Variants in PDE1A observed in about 807,000 individuals in gnomAD.
PDE1A encodes the protein phosphodiesterase 1A, also known as dual specificity calcium/calmodulin-dependent 3',5'-cyclic nucleotide phosphodiesterase 1A.
Under a neutral mutation model 61.7 loss-of-function variants are expected in PDE1A, and 35 were observed. The observed-to-expected ratio is 0.57, with a 90% CI of 0.43 to 0.75. The LOEUF (loss-of-function observed/expected upper bound fraction) is 0.75. PDE1A is among the 30% of genes least tolerant of loss of function. The pLI, the probability that PDE1A is intolerant of heterozygous loss-of-function variation, is 0.00. For synonymous variants in PDE1A, 232 were observed against 213.2 expected (o/e 1.09, Z -0.77); for missense variants, 597 against 630.6 (o/e 0.95, Z 0.57).
At chr2:182,539,967 C>T in the PDE1A span, among the ~76,000 whole-genome samples, 81 of 152,124 alleles carry the variant, frequency 5.3e-4, no homozygotes, top group Non-Finnish European at 9.0e-4. Flanking sequence ...TTTATTGTAG[C>T]ATTACTTAGA....
Position 182,466,131 on chromosome 2 carries a change from A to G in PDE1A, c.101+56145T>C, listed in dbSNP as rs891399163. Among the ~76,000 whole-genome samples, 8 of 151,944 alleles carry G rather than the reference A, an allele frequency of 5.3e-5. No homozygotes were observed. The South Asian group carries it at 8.3e-4, about 16-fold the overall frequency. ...TTTTCTTCATAATGTCTTTAAATGC[A>G]TACGTTTCTCTTTGTCTCACAACCC... On this transcript the variant is annotated intron_variant, in intron 2 of 14. Transcript: ENST00000410103.
rs193271812 is a variant in PDE1A, at chr2:182,454,485, A to G, written c.101+67791T>C. ...AGTCAATCCTAAGCCAAAAGAACAAAGCCGGAGGCGTCATGCTACCTGACT... is the reference window on the plus strand; with the variant it reads ...AGTCAATCCTAAGCCAAAAGAACAAGGCCGGAGGCGTCATGCTACCTGACT... On this transcript the variant is annotated intron_variant, in intron 2 of 14. Coordinates refer to the PDE1A transcript ENST00000410103. Among the ~76,000 whole-genome samples, 13 of 152,226 alleles carry G rather than the reference A, an allele frequency of 8.5e-5. No homozygotes were observed. The East Asian group carries it at 1.9e-3, about 23-fold the overall frequency.
intron 1 of PDE1A, among the ~76,000 whole-genome samples, chr2:182,397,708 C>T (rs1178289646): frequency 6.6e-6 from 1 of 152,052 alleles, no homozygotes; most frequent in South Asian, 2.1e-4. Flanking sequence ...ACTGGAGTCA[C>T]ATGTACAGCT....
At chr2:182,179,263 A>AT (rs908458563) in intron 13 of PDE1A, among the ~76,000 whole-genome samples, 18 of 151,626 alleles carry the variant, frequency 1.2e-4, no homozygotes, top group Admixed American at 2.0e-4. Context: ...CAGTATTTGG[A>AT]TTTTTTTTTC....
At chr2:182,320,212 G>T (rs1043779807) in intron 1 of PDE1A, among the ~76,000 whole-genome samples, 11 of 152,150 alleles carry the variant, frequency 7.2e-5, no homozygotes, top group African/African-American at 2.7e-4. Context: ...GGAAGATACT[G>T]TCCAGTTCCT....
At chr2:182,423,890 A>G (rs1424229733) in intron 1 of PDE1A, among the ~76,000 whole-genome samples, 1 of 151,902 alleles carries the variant, frequency 6.6e-6, no homozygotes, top group Non-Finnish European at 1.5e-5. Context: ...CTGTATATAG[A>G]AATTTGAAAC....
chr2:182,185,784 G>C (rs1685147625), intron 13 of PDE1A, 108 bp downstream of exon 13: 1 of 1,556,380 alleles, frequency 6.4e-7, no homozygotes, highest in African/African-American at 1.4e-5. Context: ...ATACCATCAA[G>C]GGCTTACATA....
chr2:182,675,579 T>C, the PDE1A span, among the ~76,000 whole-genome samples: 1 of 152,216 alleles, frequency 6.6e-6, no homozygotes, highest in African/African-American at 2.4e-5. Context: ...ACCAACAGTG[T>C]ATAAGTTTTC....
chr2:182,381,094 G>A (rs1449129779), intron 1 of PDE1A, among the ~76,000 whole-genome samples: 2 of 152,148 alleles, frequency 1.3e-5, no homozygotes, highest in African/African-American at 4.8e-5. Context: ...AAGTGGTCAG[G>A]ACAGGAATGT....
chr2:182,388,565 A>G (rs1701248418), intron 1 of PDE1A, among the ~76,000 whole-genome samples: 1 of 152,162 alleles, frequency 6.6e-6, no homozygotes, highest in Non-Finnish European at 1.5e-5. Context: ...TATGCACCTA[A>G]ACAGCCAATG....
chr2:182,393,122 C>G (rs943110970), intron 1 of PDE1A, among the ~76,000 whole-genome samples: 1 of 152,236 alleles, frequency 6.6e-6, no homozygotes, highest in African/African-American at 2.4e-5. Context: ...GGACTCTGCC[C>G]CTGCAGCACA....
At chr2:182,307,131 G>A (rs190310657) in intron 1 of PDE1A, among the ~76,000 whole-genome samples, 1 of 152,138 alleles carries the variant, frequency 6.6e-6, no homozygotes. Flanking sequence ...TTAAAACATG[G>A]GCAAGGGGCC....
the PDE1A span, among the ~76,000 whole-genome samples, chr2:182,651,684 A>C: frequency 2.0e-5 from 3 of 152,368 alleles, 1 homozygote; most frequent in East Asian, 1.9e-4. Context: ...AATATTTGTT[A>C]ATCTAACATT....
intron 1 of PDE1A, among the ~76,000 whole-genome samples, chr2:182,295,393 G>A (rs1694819293): frequency 6.6e-6 from 1 of 152,156 alleles, no homozygotes; most frequent in African/African-American, 2.4e-5. Flanking sequence ...AAATTCAAAA[G>A]AATGGAAATC....
chr2:182,508,157 CA>C (rs1045685660), intron 2 of PDE1A, among the ~76,000 whole-genome samples: 7 of 147,058 alleles, frequency 4.8e-5, no homozygotes, highest in Admixed American at 1.4e-4. Flanking sequence ...TCAATAGATT[CA>C]AAAAAATCAT....
intron 2 of PDE1A, among the ~76,000 whole-genome samples, chr2:182,455,941 A>T (rs1294444657): frequency 6.6e-6 from 1 of 152,040 alleles, no homozygotes; most frequent in Non-Finnish European, 1.5e-5. Context: ...AAAAAACAGA[A>T]GAATTTGCTA....
upstream of PDE1A, among the ~76,000 whole-genome samples, chr2:182,427,343 T>C (rs1383302396): frequency 6.6e-6 from 1 of 152,186 alleles, no homozygotes; most frequent in East Asian, 1.9e-4. Flanking sequence ...GAAGATGCCA[T>C]ATCAACTGAT....
At chr2:182,626,860 C>CAT in the PDE1A span, among the ~76,000 whole-genome samples, 1 of 24,816 alleles carries the variant, frequency 4.0e-5, no homozygotes, top group Non-Finnish European at 7.2e-5. Flanking sequence ...TATATATATA[C>CAT]ATATATATAT....
At chr2:182,287,770 C>G (rs2125874134) in intron 1 of PDE1A, among the ~76,000 whole-genome samples, 1 of 152,266 alleles carries the variant, frequency 6.6e-6, no homozygotes, top group East Asian at 1.9e-4. Context: ...GTAAGCTTTT[C>G]TCTTTCCACT....
Sources: allele counts gnomAD v4.1 joint callset (sites outside exome capture counted in the v4.1 genomes callset), GRCh38; gene constraint gnomAD v4.1.1; transcripts MANE v1.5; gene names NCBI Gene and HGNC (gene_info 2026-07-23, HGNC 2026-07-21).